Variants in LBR observed in about 807,000 individuals in gnomAD.
The protein encoded by LBR is delta(14)-sterol reductase LBR.
A neutral mutation model predicts 74.3 loss-of-function variants in LBR; 28 were observed. The observed-to-expected ratio is 0.38, with a 90% confidence interval of 0.28 to 0.52. The LOEUF (loss-of-function observed/expected upper bound fraction) is 0.52, where lower values mean the gene tolerates loss of function less well. Ranked by LOEUF, LBR falls within the 20% of genes least tolerant of loss-of-function variation. LBR has a pLI of 0.89. For missense variants in LBR, 717 were observed against 760.3 expected, an observed-to-expected ratio of 0.94 and a Z score of 0.67; for synonymous variants, 228 against 269.3, an observed-to-expected ratio of 0.85 and a Z score of 1.50.
In LBR at chr1:225,422,225, G is replaced by A. The variant is rs773644529; in HGVS notation, c.218C>T (p.Ser73Phe). The A allele has an allele frequency of 1.9e-6, 3 of 1,613,948 alleles. No individual in the cohort carries two copies. In the South Asian group the frequency reaches 3.3e-5, roughly 18 times the overall value. Residue 73 changes from serine to phenylalanine, a missense_variant, in exon 3 of 14, where the codon TCC becomes TTC. By Grantham distance (155) the Ser-to-Phe change is radical. Coordinates refer to ENST00000272163, the MANE Select transcript of LBR (RefSeq NM_002296.4). ...RKGGSTSSSP[S>F]RRRGSRSRSR... ...CCTTGATCGACTCCCTCGGCGTCTGGAAGGGGAACTGGAAGTTGAGCCACC... is the reference window on the plus strand; with the variant it reads ...CCTTGATCGACTCCCTCGGCGTCTGAAAGGGGAACTGGAAGTTGAGCCACC...
intron 1 of LBR, 170 bp downstream of exon 1, chr1:225,427,784 G>A (rs568623034): frequency 6.6e-6 from 1 of 152,334 alleles, no homozygotes; most frequent in East Asian, 2.0e-4. Context: ...AAAAGGCGAG[G>A]AGGGGAGGAG....
chr1:225,406,913 T>C lies in LBR; in HGVS notation c.1315-81A>G, dbSNP rs1165472350. ...AATAAAGTACTAGTTTACAGGCAAATGTAAAAAGTGCTATGGGCGGGTCCA... is the reference window on the plus strand; with the variant it reads ...AATAAAGTACTAGTTTACAGGCAAACGTAAAAAGTGCTATGGGCGGGTCCA... On this transcript the variant is annotated intron_variant, in intron 10 of 13. Transcript: ENST00000272163. 6 of 1,379,808 alleles carry C rather than the reference T, an allele frequency of 4.3e-6. No individual in the cohort carries two copies. In the South Asian group the frequency reaches 5.9e-5, roughly 14 times the overall value. 85.5% of individuals were successfully genotyped at this position (1,379,808 alleles called of 1,614,324 possible). A position where few individuals can be genotyped will look rare whatever the true frequency, so the allele number is the denominator to read the frequency against.
Position 225,412,620 on chromosome 1 carries a change from A to C in LBR, c.918T>G (p.Ser306=), listed in dbSNP as rs767893490. ...GGAAGAGAGATGTTCCGATGACTGC[A>C]GATGTCAGGATAAAAGCATAGAATC... ...LNGFYAFILT[S]AVIGTSLFQG... is the part of the protein sequence containing the mutation. The change falls in exon 8 of 14, where the codon TCT becomes TCG. Residue 306 remains serine (S), a synonymous_variant. Transcript: ENST00000272163. 7.3e-5 allele frequency: 117 copies of C among 1,611,842 alleles called. No individual in the cohort carries two copies. Among genetic ancestry groups the C allele is most frequent in the Non-Finnish European group, 8.1e-5 (96 of 1,178,288 alleles).
chr1:225,413,565 A>G (rs2096110682), intron 7 of LBR, among the ~76,000 whole-genome samples: 1 of 152,244 alleles, frequency 6.6e-6, no homozygotes, highest in Non-Finnish European at 1.5e-5. Context: ...GTTGTCTCAA[A>G]TTATCTGAAT....
intron 13 of LBR, among the ~76,000 whole-genome samples, 173 bp from the exon 14 acceptor site, chr1:225,403,636 G>A (rs1217097224): frequency 6.6e-6 from 1 of 152,092 alleles, no homozygotes; most frequent in Non-Finnish European, 1.5e-5. Context: ...GTGGCAGAAG[G>A]TCGTATCTAA....
chr1:225,405,519 T>C (rs1466914809), intron 11 of LBR, among the ~76,000 whole-genome samples: 3 of 152,100 alleles, frequency 2.0e-5, no homozygotes, highest in Non-Finnish European at 2.9e-5. Flanking sequence ...GTGGGTTTGT[T>C]ATAAAAGTAT....
At chr1:225,414,708 T>C (rs1437989541) in intron 7 of LBR, among the ~76,000 whole-genome samples, 1 of 152,184 alleles carries the variant, frequency 6.6e-6, no homozygotes, top group Non-Finnish European at 1.5e-5. Context: ...GAAGCCACAT[T>C]CTAGTGGAGA....
intron 11 of LBR, among the ~76,000 whole-genome samples, 200 bp from the exon 12 acceptor site, chr1:225,404,906 T>C (rs1033720052): frequency 6.6e-5 from 10 of 152,294 alleles, no homozygotes; most frequent in African/African-American, 2.4e-4. Context: ...GGCCTGATTC[T>C]TAAGAACAAC....
In LBR at chr1:225,401,785, A is replaced by G. The variant is rs2096082435; in HGVS notation, c.*1518T>C. ...CTGCTTGCACACATTAGCACTGATA[A>G]AACAATGACAATTTCACTAAAAGAA... is the stretch of plus-strand genomic sequence containing the variant. On this transcript the variant is annotated 3_prime_UTR_variant, in exon 14 of 14. Transcript: ENST00000272163. The G allele has an allele frequency of 6.6e-6, 1 of 152,230 alleles. No individual in the cohort carries two copies. Among genetic ancestry groups the G allele is most frequent in the Non-Finnish European group, 1.5e-5 (1 of 68,040 alleles). The allele number at this position is 152,230 out of a possible 1,614,324, so 9.4% of individuals were successfully genotyped here.
intron 11 of LBR, chr1:225,406,457 C>G (rs2096091802): frequency 4.4e-6 from 2 of 458,460 alleles, no homozygotes; most frequent in African/African-American, 2.0e-5. Context: ...TTAAAATAAT[C>G]TGTTTCAAGT....
Position 225,403,051 on chromosome 1 carries a change from T to TTAA in LBR, c.*251_*252insTTA, listed in dbSNP as rs1254424397. Reference sequence around the variant, plus strand: ...CTGTCTTCTGTTTTCAGATTAAGGGTTGAAAATTTCCCATTAAAATGCAAA... The same window carrying TTAA: ...CTGTCTTCTGTTTTCAGATTAAGGGTTAATGAAAATTTCCCATTAAAATGCAAA... On this transcript the variant is annotated 3_prime_UTR_variant, in exon 14 of 14. Transcript: ENST00000272163. 13 of 488,618 alleles carry TTAA rather than the reference T, an allele frequency of 2.7e-5. No individual in the cohort carries two copies. Among genetic ancestry groups the TTAA allele is most frequent in the Non-Finnish European group, 4.4e-5 (12 of 272,912 alleles). 30.3% of individuals were successfully genotyped at this position (488,618 alleles called of 1,614,324 possible). A position where few individuals can be genotyped will look rare whatever the true frequency, so the allele number is the denominator to read the frequency against.
At chr1:225,406,856 G>T in intron 10 of LBR, 24 bp from the exon 11 acceptor site, 1 of 1,609,300 alleles carries the variant, frequency 6.2e-7, no homozygotes, top group Non-Finnish European at 8.5e-7. Context: ...GACGGGGAAA[G>T]GGAGAAGGAG....
intron 11 of LBR, among the ~76,000 whole-genome samples, chr1:225,404,939 TG>T (rs1392268755): frequency 4.6e-5 from 7 of 152,316 alleles, no homozygotes; most frequent in African/African-American, 1.7e-4. Context: ...AATCCCACTA[TG>T]TAAAAAGATG....
intron 8 of LBR, 138 bp downstream of exon 8, chr1:225,412,316 T>C (rs2096107568): frequency 6.5e-6 from 5 of 766,834 alleles, no homozygotes; most frequent in Non-Finnish European, 4.4e-6. Flanking sequence ...AACGTTTTTC[T>C]TCATCTTTTC....
At chr1:225,407,932 T>C (rs2096095913) in intron 10 of LBR, among the ~76,000 whole-genome samples, 1 of 152,172 alleles carries the variant, frequency 6.6e-6, no homozygotes, top group Non-Finnish European at 1.5e-5. Context: ...TAATCGTACA[T>C]ATTTATGGGG....
chr1:225,427,835 G>C (rs1039288761), intron 1 of LBR, 119 bp downstream of exon 1: 2 of 152,336 alleles, frequency 1.3e-5, no homozygotes, highest in Admixed American at 6.5e-5. Flanking sequence ...GCCGCGCCAG[G>C]CCCCGCGCCC....
At chr1:225,409,043 AT>A (rs1419012985) in intron 10 of LBR, among the ~76,000 whole-genome samples, 3 of 152,252 alleles carry the variant, frequency 2.0e-5, no homozygotes, top group Admixed American at 6.5e-5. Flanking sequence ...TCTTTTGGCG[AT>A]TCATTCTATA....
At position 225,406,640 on chromosome 1, in the gene LBR, A is replaced by G. The variant is rs979343483; in HGVS notation, c.1483+24T>C. 6 of 1,596,214 alleles carry G rather than the reference A, an allele frequency of 3.8e-6. No homozygotes were observed. The African/African-American group carries it at 6.8e-5, about 18-fold the overall frequency. On this transcript the variant is annotated intron_variant, in intron 11 of 13. Transcript: ENST00000272163. Reference sequence around the variant, plus strand: ...CAGTACATAATATTTAATAAATTAAACTGAGACTAAAATTAATACTCACGT... The same window carrying G: ...CAGTACATAATATTTAATAAATTAAGCTGAGACTAAAATTAATACTCACGT...
intron 10 of LBR, 122 bp from the exon 11 acceptor site, chr1:225,406,954 T>G: frequency 1.1e-6 from 1 of 901,078 alleles, no homozygotes; most frequent in Non-Finnish European, 1.8e-6. Flanking sequence ...AACATTTTTT[T>G]GTTAAAGGGG....
Sources: allele counts gnomAD v4.1 joint callset (sites outside exome capture counted in the v4.1 genomes callset), GRCh38; gene constraint gnomAD v4.1.1; transcripts MANE v1.5; gene names NCBI Gene and HGNC (gene_info 2026-07-23, HGNC 2026-07-21).